Variants in PHACTR1 observed in about 807,000 individuals in gnomAD.
PHACTR1 encodes phosphatase and actin regulator 1.
In PHACTR1, 16 loss-of-function variants were observed where a neutral mutation model predicts 69.2. That is an observed-to-expected ratio of 0.23 (90% CI 0.16 to 0.35). The LOEUF (loss-of-function observed/expected upper bound fraction) is 0.35, where lower values mean the gene tolerates loss of function less well. Ranked by LOEUF, PHACTR1 falls within the 10% of genes least tolerant of loss-of-function variation. PHACTR1 has a pLI of 1.00. For synonymous variants in PHACTR1, 312 were observed against 284.5 expected, an observed-to-expected ratio of 1.10 and a Z score of -0.97; for missense variants, 510 against 734.7, an observed-to-expected ratio of 0.69 and a Z score of 3.54.
At chr6:12,866,897 T>A (rs1781517139) in intron 4 of PHACTR1, among the ~76,000 whole-genome samples, 1 of 152,180 alleles carries the variant, frequency 6.6e-6, no homozygotes, top group Admixed American at 6.5e-5. Context: ...TCAAAGGAAA[T>A]ACGTGGTACC....
At chr6:13,160,381 G>C (rs1561920087) in intron 6 of PHACTR1, 97 bp downstream of exon 6, 1 of 1,073,092 alleles carries the variant, frequency 9.3e-7, no homozygotes, top group Non-Finnish European at 1.4e-6. Flanking sequence ...TGCATCACCA[G>C]ATATCAGGAT....
At chr6:12,792,570 A>G (rs548197636) in intron 4 of PHACTR1, among the ~76,000 whole-genome samples, 3 of 150,824 alleles carry the variant, frequency 2.0e-5, no homozygotes, top group Non-Finnish European at 4.4e-5. Flanking sequence ...ATGCAGTGCT[A>G]TAGACCTCAC....
At chr6:12,723,866 C>A (rs1326083404) in intron 3 of PHACTR1, among the ~76,000 whole-genome samples, 1 of 152,208 alleles carries the variant, frequency 6.6e-6, no homozygotes, top group Non-Finnish European at 1.5e-5. Flanking sequence ...ATCTTTTAAA[C>A]TGCCCCCACG....
chr6:13,246,329 C>T lies in PHACTR1; in HGVS notation c.1391+16136C>T, dbSNP rs1224185733. ...GAATTCTCCCACAGATACATTCTTT[C>T]ACGGCCACCATGATCTTCCTTGATC... On this transcript the variant is annotated intron_variant, in intron 10 of 14. Transcript: ENST00000332995. The surrounding 1 kb of genome is among the most constrained non-coding windows in gnomAD (Gnocchi z 4.2). 6.6e-6 allele frequency among the ~76,000 whole-genome samples: 1 copy of T among 152,218 alleles called. No homozygotes were observed. The highest frequency in any genetic ancestry group is 1.5e-5 in the Non-Finnish European group (1 of 68,044).
chr6:13,232,695 A>G (rs987954655), intron 10 of PHACTR1, among the ~76,000 whole-genome samples: 10 of 150,060 alleles, frequency 6.7e-5, no homozygotes, highest in African/African-American at 2.4e-4. Flanking sequence ...CTTGAAGACA[A>G]TGATCCTGGC....
intron 4 of PHACTR1, among the ~76,000 whole-genome samples, chr6:12,906,031 G>A (rs910316586): frequency 2.6e-5 from 4 of 152,126 alleles, no homozygotes; most frequent in African/African-American, 9.7e-5. Flanking sequence ...TTCTATTTAT[G>A]TAATAGACTA....
At chr6:13,089,249 T>G (rs1196228657) in intron 5 of PHACTR1, among the ~76,000 whole-genome samples, 1 of 152,188 alleles carries the variant, frequency 6.6e-6, no homozygotes, top group Non-Finnish European at 1.5e-5. Flanking sequence ...CCAGTACATC[T>G]GCTCAAGCTC....
intron 3 of PHACTR1, among the ~76,000 whole-genome samples, chr6:12,726,793 A>T (rs189291070): frequency 6.6e-6 from 1 of 152,246 alleles, no homozygotes; most frequent in Admixed American, 6.5e-5. Flanking sequence ...CGATTAAACA[A>T]CTAGGTTATA....
chr6:12,762,422 G>A (rs17616767), intron 4 of PHACTR1, among the ~76,000 whole-genome samples: 1 of 152,194 alleles, frequency 6.6e-6, no homozygotes, highest in South Asian at 2.1e-4. Flanking sequence ...GTATTTTACT[G>A]CATTTGACAT....
intron 4 of PHACTR1, among the ~76,000 whole-genome samples, chr6:12,802,186 G>A (rs1157403187): frequency 6.6e-6 from 1 of 150,402 alleles, no homozygotes; most frequent in African/African-American, 2.4e-5. Context: ...AAATATAACT[G>A]GCATTAATAG....
chr6:13,177,172 T>TAAAAAAAAAAA (rs530741132), intron 6 of PHACTR1, among the ~76,000 whole-genome samples: 7 of 63,366 alleles, frequency 1.1e-4, no homozygotes, highest in African/African-American at 4.1e-4. Context: ...ACCCCATCTC[T>TAAAAAAAAAAA]AAAAAAAAAA....
intron 6 of PHACTR1, among the ~76,000 whole-genome samples, chr6:13,163,917 G>T (rs1200478010): frequency 6.6e-6 from 1 of 152,116 alleles, no homozygotes; most frequent in African/African-American, 2.4e-5. Flanking sequence ...TGCTGTGATT[G>T]TTGGTAGTCT....
intron 4 of PHACTR1, among the ~76,000 whole-genome samples, chr6:12,887,872 C>T (rs1003095418): frequency 6.6e-6 from 1 of 151,596 alleles, no homozygotes; most frequent in African/African-American, 2.4e-5. Context: ...AGTTCGAGAC[C>T]GGCCTGGGCA....
At chr6:12,751,457 A>T (rs921133665) in intron 4 of PHACTR1, among the ~76,000 whole-genome samples, 1 of 152,212 alleles carries the variant, frequency 6.6e-6, no homozygotes, top group Non-Finnish European at 1.5e-5. Flanking sequence ...CAACCAAGTG[A>T]TATTGGAAAT....
intron 4 of PHACTR1, chr6:12,933,758 T>C (rs773846165): frequency 1.1e-5 from 18 of 1,612,818 alleles, no homozygotes; most frequent in South Asian, 2.2e-5. Context: ...AGCCCCTACA[T>C]ACACTACATC....
chr6:12,816,912 G>A (rs1408491497), intron 4 of PHACTR1, among the ~76,000 whole-genome samples: 1 of 152,052 alleles, frequency 6.6e-6, no homozygotes, highest in Non-Finnish European at 1.5e-5. Context: ...CACAAAGAAA[G>A]GAAAAAAACA....
chr6:12,729,351 C>A (rs957834469), intron 3 of PHACTR1, among the ~76,000 whole-genome samples: 1 of 152,166 alleles, frequency 6.6e-6, no homozygotes, highest in African/African-American at 2.4e-5. Flanking sequence ...AGTTTATCAT[C>A]GATGCAGCTT....
intron 7 of PHACTR1, among the ~76,000 whole-genome samples, chr6:13,196,149 A>T (rs1324292767): frequency 6.6e-6 from 1 of 152,224 alleles, no homozygotes; most frequent in African/African-American, 2.4e-5. Flanking sequence ...AGCAGCCACC[A>T]TCATCATTAG....
At chr6:12,722,966 T>TC (rs765324624) in intron 3 of PHACTR1, among the ~76,000 whole-genome samples, 17 of 152,206 alleles carry the variant, frequency 1.1e-4, no homozygotes, top group Non-Finnish European at 2.5e-4. Context: ...TAATTTGAGC[T>TC]CATCTGTGTT....
Sources: allele counts gnomAD v4.1 joint callset (sites outside exome capture counted in the v4.1 genomes callset), GRCh38; gene constraint gnomAD v4.1.1; non-coding constraint Gnocchi (gnomAD v3.1); transcripts MANE v1.5; gene names NCBI Gene and HGNC (gene_info 2026-07-23, HGNC 2026-07-21).